The following F11 variants were observed in gnomAD, a reference collection of about 807,000 sequenced individuals.
F11 encodes coagualtion factor XI.
In F11, 78 loss-of-function variants were observed where a neutral mutation model predicts 76.5. That is an observed-to-expected ratio of 1.02 (90% CI 0.85 to 1.23). The LOEUF (loss-of-function observed/expected upper bound fraction) is 1.23, where lower values mean the gene tolerates loss of function less well. F11 is among the 50% of genes most tolerant of loss of function. The probability of loss-of-function intolerance (pLI) is 0.00; values close to 1 mark genes in which losing one functional copy is unlikely to be tolerated. For synonymous variants in F11, 278 were observed against 276.3 expected (o/e 1.01, Z -0.06); for missense variants, 742 against 771.4 (o/e 0.96, Z 0.45).
At chr4:186,285,465 G>A (rs1203122276) in intron 11 of F11, among the ~76,000 whole-genome samples, 173 bp from the exon 12 acceptor site, 13 of 152,148 alleles carry the variant, frequency 8.5e-5, no homozygotes, top group Non-Finnish European at 1.5e-5. Flanking sequence ...TTTCTTTATA[G>A]GGTGAATATG....
At chr4:186,285,507 C>A (rs916266170) in intron 11 of F11, 131 bp from the exon 12 acceptor site, 1 of 911,180 alleles carries the variant, frequency 1.1e-6, no homozygotes, top group African/African-American at 1.7e-5. Flanking sequence ...AGGATAAAAT[C>A]ACTTTTTTCT....
chr4:186,268,237 T>C (rs1300820684), intron 2 of F11, among the ~76,000 whole-genome samples: 1 of 152,316 alleles, frequency 6.6e-6, no homozygotes, highest in Non-Finnish European at 1.5e-5. Flanking sequence ...AGTATTTACA[T>C]TGTACTAGGT....
Position 186,288,593 on chromosome 4 carries a change from G to A in F11, c.1857G>A (p.Leu619=). Residue 619 remains leucine, a synonymous_variant, in exon 15 of 15, where the codon CTG becomes CTA. Transcript: ENST00000403665. ...TGGTCGAGTACGTGGACTGGATTCT[G>A]GAGAAAACTCAAGCAGTGTGAATGG... ...TNVVEYVDWI[L]EKTQAV 6.2e-7 allele frequency: 1 copy of A among 1,614,134 alleles called. No individual in the cohort carries two copies. Among genetic ancestry groups the A allele is most frequent in the Non-Finnish European group, 8.5e-7 (1 of 1,180,026 alleles).
rs1741159910 is a variant in F11 at position 186,285,737 on chromosome 4, C to A, written c.1404C>A (p.Ile468=). 3 of 1,614,064 alleles carry A rather than the reference C, an allele frequency of 1.9e-6. No individual in the cohort carries two copies. Among genetic ancestry groups the A allele is most frequent in the Non-Finnish European group, 2.5e-6 (3 of 1,179,972 alleles). Residue 468 remains isoleucine, a synonymous_variant, in exon 12 of 15, where the codon ATC becomes ATA. Transcript: ENST00000403665. ...TSFFGVQEII[I]HDQYKMAESG... ...TCTTTGGGGTTCAAGAAATAATAAT[C>A]CATGATCAGTATAAAATGGCAGAAA...
At chr4:186,278,398 G>T (rs907483435) in intron 7 of F11, among the ~76,000 whole-genome samples, 9 of 152,164 alleles carry the variant, frequency 5.9e-5, no homozygotes, top group African/African-American at 1.9e-4. Flanking sequence ...AACAAATTTA[G>T]TAGAATTTGT....
At chr4:186,271,489 CA>C in intron 2 of F11, 119 bp from the exon 3 acceptor site, 1 of 1,137,388 alleles carries the variant, frequency 8.8e-7, no homozygotes, top group Non-Finnish European at 1.3e-6. Flanking sequence ...CCTTGATTTC[CA>C]AATTCAGGCG....
chr4:186,269,469 A>C (rs1428082815), intron 2 of F11, among the ~76,000 whole-genome samples: 1 of 152,260 alleles, frequency 6.6e-6, no homozygotes, highest in African/African-American at 2.4e-5. Flanking sequence ...CCTTGAGGAC[A>C]TTACGCTAAG....
At chr4:186,282,074 G>A (rs985844714) in intron 10 of F11, 12 of 1,224,328 alleles carry the variant, frequency 9.8e-6, no homozygotes, top group Non-Finnish European at 1.3e-5. Flanking sequence ...GCACCATTCT[G>A]TTGTCTTTCT....
At chr4:186,274,045 G>A (rs1281826588) in intron 4 of F11, 71 bp from the exon 5 acceptor site, 15 of 1,560,216 alleles carry the variant, frequency 9.6e-6, no homozygotes, top group Non-Finnish European at 1.2e-5. Flanking sequence ...GGATGAGTCA[G>A]GAGGGACAGT....
In F11 at chr4:186,285,789, C is replaced by A; in HGVS notation, c.1456C>A (p.Leu486Met). 6 of 1,614,160 alleles carry A rather than the reference C, an allele frequency of 3.7e-6. No homozygotes were observed. Among genetic ancestry groups the A allele is most frequent in the Non-Finnish European group, 5.1e-6 (6 of 1,180,014 alleles). Residue 486 changes from leucine to methionine, a missense_variant, in exon 12 of 15, where the codon CTG becomes ATG. Transcript: ENST00000403665. ...CGGGTATGATATTGCCTTGTTGAAA[C>A]TGGAAACCACAGTGAATTACACAGG... ...ESGYDIALLK[L>M]ETTVNYTDSQ...
Position 186,275,833 on chromosome 4 carries a change from A to G in F11, c.532A>G (p.Ile178Val), listed in dbSNP as rs1477918179. The G allele has an allele frequency of 6.2e-7, 1 of 1,613,640 alleles. No individual in the cohort carries two copies. Among genetic ancestry groups the G allele is most frequent in the Non-Finnish European group, 8.5e-7 (1 of 1,179,790 alleles). The change falls in exon 6 of 15, where the codon ATA becomes GTA. Residue 178 changes from isoleucine to valine, a missense_variant. Transcript: ENST00000403665. ...CACCCAAACAGGGACACCAACCAGA[A>G]TAACGAAGCTCGATAAAGTGGTGTC... ...KHTQTGTPTR[I>V]TKLDKVVSGF...
In F11 at chr4:186,267,206, A is replaced by T. The variant is rs184660386; in HGVS notation, c.55+15A>T. 4 of 1,467,542 alleles carry T rather than the reference A, an allele frequency of 2.7e-6. No individual in the cohort carries two copies. The East Asian group carries it at 6.8e-5, about 25-fold the overall frequency. The allele number at this position is 1,467,542 out of a possible 1,614,324, so 90.9% of individuals were successfully genotyped here. ...AGTTTCTGGTGGTAAGTAGAGTGTTATCTTAACTATGGGCTGGGAGAGGGA... is the reference window on the plus strand; with the variant it reads ...AGTTTCTGGTGGTAAGTAGAGTGTTTTCTTAACTATGGGCTGGGAGAGGGA... On this transcript the variant is annotated intron_variant, in intron 2 of 14. Transcript: ENST00000403665.
chr4:186,286,579 G>A lies in F11; in HGVS notation c.1576+69G>A, dbSNP rs1406737056. On this transcript the variant is annotated intron_variant, in intron 13 of 14. Transcript: ENST00000403665. ...AGCGGAACCTTTTCTGCCCTGTCAA[G>A]TCATGTAGCTGAAGCACAACTCGAG... 8 of 1,599,750 alleles carry A rather than the reference G, an allele frequency of 5.0e-6. No individual in the cohort carries two copies. In the Admixed American group the frequency reaches 1.2e-4, roughly 24 times the overall value.
rs1561491504 is a variant in F11 at position 186,286,519 on chromosome 4, G to C, written c.1576+9G>C. On this transcript the variant is annotated intron_variant, in intron 13 of 14. Transcript: ENST00000403665. ...GTACAGAAAACTAAGAGGTAAAAAT[G>C]ATGTTGTTATATGTGCTCCATCCTA... 6.2e-7 allele frequency: 1 copy of C among 1,613,262 alleles called. No individual in the cohort carries two copies. The highest frequency in any genetic ancestry group is 8.5e-7 in the Non-Finnish European group (1 of 1,179,482).
intron 2 of F11, among the ~76,000 whole-genome samples, chr4:186,268,850 A>G (rs2126707691): frequency 6.6e-6 from 1 of 152,314 alleles, no homozygotes; most frequent in African/African-American, 2.4e-5. Context: ...CAGAAAAGGG[A>G]AAAATTAATG....
chr4:186,286,012 G>A, intron 12 of F11, 199 bp downstream of exon 12: 1 of 648,018 alleles, frequency 1.5e-6, no homozygotes, highest in Non-Finnish European at 2.7e-6. Flanking sequence ...TGGGAATGTG[G>A]GTAAAGAGAT....
intron 4 of F11, 128 bp from the exon 5 acceptor site, chr4:186,273,988 T>A: frequency 1.0e-6 from 1 of 973,376 alleles, no homozygotes; most frequent in East Asian, 2.5e-5. Flanking sequence ...TTTTGCAGAT[T>A]AATATAACGA....
In F11 at chr4:186,282,746, C is replaced by T. The variant is rs889917522; in HGVS notation, c.1136-1346C>T. The T allele has an allele frequency of 1.6e-5, 16 of 985,206 alleles. No homozygotes were observed. In the East Asian group the frequency reaches 4.5e-4, roughly 28 times the overall value. 61.0% of individuals were successfully genotyped at this position (985,206 alleles called of 1,614,324 possible). A position where few individuals can be genotyped will look rare whatever the true frequency, so the allele number is the denominator to read the frequency against. On this transcript the variant is annotated intron_variant, in intron 10 of 14. Transcript: ENST00000403665. ...CCTCCAAAATGAATGTTCACCCTTC[C>T]GGCTCTAAAATGAGAGCCTCTGTTC... is the stretch of plus-strand genomic sequence containing the variant.
intron 14 of F11, 151 bp from the exon 15 acceptor site, chr4:186,288,302 T>C (rs1741366070): frequency 2.3e-6 from 2 of 857,874 alleles, no homozygotes; most frequent in South Asian, 1.4e-5. Flanking sequence ...AGCAAGGAGA[T>C]TGACTGGATG....
Sources: allele counts gnomAD v4.1 joint callset (sites outside exome capture counted in the v4.1 genomes callset), GRCh38; gene constraint gnomAD v4.1.1; transcripts MANE v1.5; gene names NCBI Gene and HGNC (gene_info 2026-07-23, HGNC 2026-07-21).